Variants in LHX4 observed in about 807,000 individuals in gnomAD.
The protein encoded by LHX4 is LIM/homeobox protein Lhx4.
A neutral mutation model predicts 39.2 loss-of-function variants in LHX4; 16 were observed. The ratio of observed to expected loss-of-function variants is 0.41; its 90% CI spans 0.28 to 0.62. LHX4 has a LOEUF of 0.62. Among genes scored for constraint, LHX4 ranks in the 20% least tolerant of loss-of-function variants. LHX4 has a pLI of 0.33. For missense variants in LHX4, 439 were observed against 511.9 expected (o/e 0.86, Z 1.37); for synonymous variants, 206 against 198.1 (o/e 1.04, Z -0.33).
intron 2 of LHX4, among the ~76,000 whole-genome samples, chr1:180,252,453 G>T (rs6425617): frequency 0.41 from 61,624 of 151,970 alleles, 14,457 homozygotes; most frequent in African/African-American, 0.66. Flanking sequence ...CCTTTTCCAC[G>T]CTCCTTGAAG....
Position 180,266,355 on chromosome 1 carries a change from C to T in LHX4, c.249-37C>T, listed in dbSNP as rs1421340965. 5 of 1,607,822 alleles carry T rather than the reference C, an allele frequency of 3.1e-6. No individual in the cohort carries two copies. In the Admixed American group the frequency reaches 6.7e-5, roughly 21 times the overall value. ...GTTGGGGGAAGCCAGATCCCTTGCT[C>T]CCTGTGTGCCCTAATCCTTTCCTGC... On this transcript the variant is annotated intron_variant, in intron 2 of 5. Transcript: ENST00000263726. This position sits in a 1 kb window ranked among gnomAD's most constrained non-coding sequence, Gnocchi z 5.7.
chr1:180,237,060 C>T (rs1052622337), intron 1 of LHX4, among the ~76,000 whole-genome samples: 10 of 152,218 alleles, frequency 6.6e-5, no homozygotes, highest in East Asian at 1.9e-4. Context: ...AATTCCATCG[C>T]GGTCTGGTGG....
In LHX4 at chr1:180,275,976, C is replaced by T. The variant is rs1184763750; in HGVS notation, c.*1397C>T. The T allele has an allele frequency of 6.6e-6, 1 of 152,240 alleles. No homozygotes were observed. The allele number at this position is 152,240 out of a possible 1,614,324, so 9.4% of individuals were successfully genotyped here. ...ACTGCACTGCTGTGGGAAACGCTGT[C>T]CTGAATGGTGCTGCAGCTCCCACCC... is the stretch of plus-strand genomic sequence containing the variant. On this transcript the variant is annotated 3_prime_UTR_variant, in exon 6 of 6. Transcript: ENST00000263726.
chr1:180,252,346 G>A (rs1006001771), intron 2 of LHX4, among the ~76,000 whole-genome samples: 6 of 152,240 alleles, frequency 3.9e-5, no homozygotes, highest in Admixed American at 6.5e-5. Context: ...CCTTGTGAGA[G>A]GGACAGCAGG....
At chr1:180,256,530 G>A (rs577029021) in intron 2 of LHX4, among the ~76,000 whole-genome samples, 6 of 152,324 alleles carry the variant, frequency 3.9e-5, no homozygotes, top group African/African-American at 1.4e-4. Context: ...TGTCTGCCAT[G>A]CGCCGTCTGG....
At position 180,276,488 on chromosome 1, in the gene LHX4, T is replaced by A. The variant is rs952826256; in HGVS notation, c.*1909T>A. 6.6e-6 allele frequency: 1 copy of A among 152,308 alleles called. No homozygotes were observed. Among genetic ancestry groups the A allele is most frequent in the Admixed American group, 6.5e-5 (1 of 15,298 alleles). The allele number at this position is 152,308 out of a possible 1,614,324, so 9.4% of individuals were successfully genotyped here. On this transcript the variant is annotated 3_prime_UTR_variant, in exon 6 of 6. Coordinates refer to ENST00000263726, the MANE Select transcript of LHX4 (RefSeq NM_033343.4). ...AGAAGTCTGCAAACATAGACACTTCTCTTGAGGTTCCATGTTTATGGATGA... is the reference window on the plus strand; with the variant it reads ...AGAAGTCTGCAAACATAGACACTTCACTTGAGGTTCCATGTTTATGGATGA...
Position 180,275,249 on chromosome 1 carries a change from T to C in LHX4, c.*670T>C, listed in dbSNP as rs889004628. On this transcript the variant is annotated 3_prime_UTR_variant, in exon 6 of 6. Transcript: ENST00000263726. Reference sequence around the variant, plus strand: ...GTCCCATCTATATCATTGACTCTGATGGCAAGAGGTGGTTTTCATTGCAGG... The same window carrying C: ...GTCCCATCTATATCATTGACTCTGACGGCAAGAGGTGGTTTTCATTGCAGG... The C allele has an allele frequency of 3.9e-5, 6 of 152,230 alleles. No homozygotes were observed. The highest frequency in any genetic ancestry group is 5.9e-5 in the Non-Finnish European group (4 of 68,048). The allele number at this position is 152,230 out of a possible 1,614,324, so 9.4% of individuals were successfully genotyped here.
In LHX4 at chr1:180,274,426, C is replaced by G. The variant is rs1457901805; in HGVS notation, c.1020C>G (p.Ile340Met). Residue 340 changes from isoleucine (I) to methionine (M), a missense_variant, in exon 6 of 6, where the codon ATC becomes ATG. Ile to Met is a conservative substitution (Grantham distance 10). Coordinates refer to ENST00000263726, the MANE Select transcript of LHX4 (RefSeq NM_033343.4). ...LDYTVDSNLG[I>M]IAHAGQGVSQ... ...ACACGGTGGACAGTAATTTGGGCAT[C>G]ATTGCGCATGCAGGGCAGGGAGTAA... The G allele has an allele frequency of 1.2e-6, 2 of 1,614,108 alleles. No homozygotes were observed. Among genetic ancestry groups the G allele is most frequent in the Admixed American group, 1.7e-5 (1 of 60,012 alleles).
At chr1:180,258,578 C>T (rs919615650) in intron 2 of LHX4, among the ~76,000 whole-genome samples, 1 of 152,182 alleles carries the variant, frequency 6.6e-6, no homozygotes. Flanking sequence ...GCTGTAGGTG[C>T]TGGCTGATGG....
At chr1:180,259,979 C>G (rs1648039288) in intron 2 of LHX4, among the ~76,000 whole-genome samples, 1 of 151,474 alleles carries the variant, frequency 6.6e-6, no homozygotes, top group Admixed American at 6.6e-5. Flanking sequence ...CCACAGCCTT[C>G]AGGAGGTCAA....
chr1:180,230,096 G>A (rs1194666898), upstream of LHX4, among the ~76,000 whole-genome samples: 2 of 151,942 alleles, frequency 1.3e-5, no homozygotes, highest in African/African-American at 4.8e-5. This position sits in a 1 kb window ranked among gnomAD's most constrained non-coding sequence, Gnocchi z 5.8. Context: ...GCCGGGTTGG[G>A]GGATGTGCCG....
chr1:180,274,120 G>A, intron 5 of LHX4, 65 bp from the exon 6 acceptor site: 5 of 1,596,162 alleles, frequency 3.1e-6, no homozygotes, highest in Non-Finnish European at 4.3e-6. Context: ...TTCCTAGGTT[G>A]TGAAGAGCAG....
intron 2 of LHX4, among the ~76,000 whole-genome samples, chr1:180,265,257 A>G (rs1013195126): frequency 1.3e-5 from 2 of 152,230 alleles, no homozygotes; most frequent in African/African-American, 4.8e-5. Flanking sequence ...TGAAGAAGAT[A>G]AAGTTCTGCT....
At chr1:180,251,409 C>G (rs1050980114) in intron 2 of LHX4, among the ~76,000 whole-genome samples, 26 of 152,326 alleles carry the variant, frequency 1.7e-4, no homozygotes, top group African/African-American at 6.3e-4. Flanking sequence ...CAGACAGGAT[C>G]CCCAGTGGAG....
At chr1:180,259,877 T>C (rs1163390575) in intron 2 of LHX4, among the ~76,000 whole-genome samples, 1 of 150,774 alleles carries the variant, frequency 6.6e-6, no homozygotes, top group Non-Finnish European at 1.5e-5. Flanking sequence ...CGGGGTCCAA[T>C]GGTGGGAGGG....
At chr1:180,235,997 A>C (rs1307897216) in intron 1 of LHX4, among the ~76,000 whole-genome samples, 2 of 152,240 alleles carry the variant, frequency 1.3e-5, no homozygotes, top group African/African-American at 2.4e-5. Context: ...AACCGGGAGC[A>C]GCAGGAAGTT....
At chr1:180,229,089 A>C (rs898001659), upstream of LHX4, among the ~76,000 whole-genome samples, 4 of 152,208 alleles carry the variant, frequency 2.6e-5, no homozygotes, top group African/African-American at 9.7e-5. Flanking sequence ...TTTCTGCCAG[A>C]AACTCGCGTT....
At chr1:180,251,465 A>G (rs957261917) in intron 2 of LHX4, among the ~76,000 whole-genome samples, 3 of 152,130 alleles carry the variant, frequency 2.0e-5, no homozygotes, top group African/African-American at 7.2e-5. Context: ...CCAGCACAGA[A>G]TGCTTTGGTT....
chr1:180,242,344 G>C (rs1352369404), intron 1 of LHX4, among the ~76,000 whole-genome samples: 1 of 152,082 alleles, frequency 6.6e-6, no homozygotes, highest in South Asian at 2.1e-4. Context: ...CATGTGACTG[G>C]TACATGCATG....
Sources: allele counts gnomAD v4.1 joint callset (sites outside exome capture counted in the v4.1 genomes callset), GRCh38; gene constraint gnomAD v4.1.1; non-coding constraint Gnocchi (gnomAD v3.1); transcripts MANE v1.5; gene names NCBI Gene and HGNC (gene_info 2026-07-23, HGNC 2026-07-21).